Variants in TIAM1 observed in about 807,000 individuals in gnomAD.
TIAM1 encodes the protein TIAM Rac1 associated GEF 1.
Under a neutral mutation model 163.5 loss-of-function variants are expected in TIAM1, and 65 were observed. The observed-to-expected ratio is 0.40, with a 90% confidence interval of 0.33 to 0.49. TIAM1 has a LOEUF of 0.49. Among genes scored for constraint, TIAM1 ranks in the 20% least tolerant of loss-of-function variants. TIAM1 has a pLI of 0.77. For synonymous variants in TIAM1, 833 were observed against 810.1 expected, an observed-to-expected ratio of 1.03 and a Z score of -0.48; for missense variants, 1,789 against 2,044.7, an observed-to-expected ratio of 0.87 and a Z score of 2.41.
At chr21:31,558,774 G>A (rs1210716262) in intron 1 of TIAM1, among the ~76,000 whole-genome samples, 1 of 152,104 alleles carries the variant, frequency 6.6e-6, no homozygotes, top group Non-Finnish European at 1.5e-5. Flanking sequence ...AAGCCCGATC[G>A]GGGGGAGCTA....
At position 31,120,300 on chromosome 21, in the gene TIAM1, T is replaced by G; in HGVS notation, c.*68A>C. ...CCTAAGGGGACATTCTTGTCGACGGTACAGGAGGGTGGGCAGAGTTAGGGC... is the reference window on the plus strand; with the variant it reads ...CCTAAGGGGACATTCTTGTCGACGGGACAGGAGGGTGGGCAGAGTTAGGGC... On this transcript the variant is annotated 3_prime_UTR_variant, in exon 28 of 28. Coordinates refer to ENST00000541036, the MANE Select transcript of TIAM1 (RefSeq NM_001353694.2). The surrounding 1 kb of genome is among the most constrained non-coding windows in gnomAD (Gnocchi z 4.2). The G allele has an allele frequency of 6.8e-7, 1 of 1,468,870 alleles. No homozygotes were observed. The highest frequency in any genetic ancestry group is 9.2e-7 in the Non-Finnish European group (1 of 1,087,550). 91.0% of individuals were successfully genotyped at this position (1,468,870 alleles called of 1,614,324 possible).
chr21:31,511,043 G>A (rs939102607), intron 1 of TIAM1, among the ~76,000 whole-genome samples: 2 of 152,198 alleles, frequency 1.3e-5, no homozygotes, highest in African/African-American at 4.8e-5. Flanking sequence ...GTCAAAGAAT[G>A]CCATAGGTTG....
intron 2 of TIAM1, among the ~76,000 whole-genome samples, chr21:31,449,052 A>T (rs551233238): frequency 2.4e-4 from 37 of 151,898 alleles, no homozygotes; most frequent in Non-Finnish European, 4.4e-4. Flanking sequence ...TGCAGCCTCA[A>T]CTTCCCAGGC....
Position 31,184,803 on chromosome 21 carries a change from G to A in TIAM1, c.2663-2158C>T, listed in dbSNP as rs80251128. ...TGCCTATGGCCTAGAAAGTATAGAA[G>A]GAACAAGAAGGAAAATGCTCCTCTG... On this transcript the variant is annotated intron_variant, in intron 14 of 27. Transcript: ENST00000541036. Among the ~76,000 whole-genome samples the A allele has an allele frequency of 6.6e-4, 100 of 152,088 alleles. No individual in the cohort carries two copies. In the East Asian group the frequency reaches 0.019, roughly 29 times the overall value.
At chr21:31,210,664 A>AAG (rs2086762728) in intron 10 of TIAM1, among the ~76,000 whole-genome samples, 1 of 19,710 alleles carries the variant, frequency 5.1e-5, no homozygotes, top group African/African-American at 2.6e-4. Context: ...AAAGAAAGAA[A>AAG]GAAAAAGAAA....
chr21:31,547,761 T>C (rs2048543691), intron 1 of TIAM1, among the ~76,000 whole-genome samples: 1 of 152,166 alleles, frequency 6.6e-6, no homozygotes, highest in Admixed American at 6.5e-5. Flanking sequence ...TTTCTGAAAA[T>C]ATTTTCAATG....
chr21:31,534,165 C>T (rs1371632859), intron 1 of TIAM1, among the ~76,000 whole-genome samples: 1 of 152,226 alleles, frequency 6.6e-6, no homozygotes, highest in Non-Finnish European at 1.5e-5. Flanking sequence ...GTACAAAAAC[C>T]ACGCTAGGCG....
In TIAM1 at chr21:31,203,134, T is replaced by G. The variant is rs1601531587; in HGVS notation, c.2389-122A>C. The G allele has an allele frequency of 7.1e-6, 6 of 843,840 alleles. No individual in the cohort carries two copies. The South Asian group carries it at 1.0e-4, about 14-fold the overall frequency. 52.3% of individuals were successfully genotyped at this position (843,840 alleles called of 1,614,324 possible). ...TAGAGTTTGTTGTTGTTGTTGTTGT[T>G]GTTTTGAGATGGAGTTTCACTCTTG... On this transcript the variant is annotated intron_variant, in intron 11 of 27. Transcript: ENST00000541036.
At chr21:31,527,299 G>A (rs1232051216) in intron 1 of TIAM1, among the ~76,000 whole-genome samples, 1 of 152,080 alleles carries the variant, frequency 6.6e-6, no homozygotes, top group Non-Finnish European at 1.5e-5. Flanking sequence ...GAAAATTTTG[G>A]TAGAGAATGA....
intron 12 of TIAM1, among the ~76,000 whole-genome samples, chr21:31,197,622 G>T (rs1014747303): frequency 9.3e-5 from 14 of 150,108 alleles, no homozygotes; most frequent in Admixed American, 2.7e-4. Flanking sequence ...GCCCGCCTCA[G>T]CCTCCCAAAG....
chr21:31,261,919 C>T (rs1436394500), intron 4 of TIAM1, among the ~76,000 whole-genome samples: 2 of 152,146 alleles, frequency 1.3e-5, no homozygotes, highest in Non-Finnish European at 2.9e-5. Flanking sequence ...CTCAGTACAA[C>T]CTGGCCGTGT....
chr21:31,320,212 A>G (rs185488744), intron 2 of TIAM1, among the ~76,000 whole-genome samples: 197 of 152,334 alleles, frequency 1.3e-3, no homozygotes, highest in South Asian at 3.5e-3. Context: ...CACGATGCTA[A>G]GTATGATGTA....
chr21:31,241,989 AAT>A (rs2071205634), intron 6 of TIAM1, among the ~76,000 whole-genome samples: 1 of 152,138 alleles, frequency 6.6e-6, no homozygotes, highest in African/African-American at 2.4e-5. Context: ...CAGCCTGGGT[AAT>A]AGAGCAAGAC....
At chr21:31,324,845 A>C (rs9978041) in intron 2 of TIAM1, among the ~76,000 whole-genome samples, 130,630 of 152,214 alleles carry the variant, frequency 0.86, 56,251 homozygotes, top group East Asian at 0.96. Context: ...TTTAAGAAAT[A>C]TTTTGGTAAT....
intron 1 of TIAM1, among the ~76,000 whole-genome samples, chr21:31,551,802 G>C (rs552822852): frequency 5.3e-5 from 8 of 152,092 alleles, no homozygotes; most frequent in Admixed American, 1.3e-4. Flanking sequence ...AAGTAGGTGA[G>C]ATGCAATTGC....
chr21:31,219,024 CTTTTTTTT>C (rs35555743), intron 8 of TIAM1, among the ~76,000 whole-genome samples: 5 of 88,488 alleles, frequency 5.7e-5, no homozygotes, highest in South Asian at 4.4e-4. Flanking sequence ...GAAGCATTTC[CTTTTTTTT>C]TTTTTTTTTT....
chr21:31,205,289 A>G (rs1472969002), intron 11 of TIAM1, among the ~76,000 whole-genome samples: 1 of 152,242 alleles, frequency 6.6e-6, no homozygotes, highest in African/African-American at 2.4e-5. Context: ...CTGAGGCGGA[A>G]GGGAAAGAAA....
At chr21:31,492,007 T>C (rs541718782) in intron 1 of TIAM1, among the ~76,000 whole-genome samples, 6 of 152,306 alleles carry the variant, frequency 3.9e-5, no homozygotes, top group Admixed American at 1.3e-4. Context: ...ACTAACTTCC[T>C]GAGACTACAT....
intron 4 of TIAM1, among the ~76,000 whole-genome samples, chr21:31,265,431 C>T (rs758018957): frequency 7.9e-5 from 12 of 151,872 alleles, no homozygotes; most frequent in African/African-American, 2.7e-4. Flanking sequence ...TTATTCCTTC[C>T]GCTACACCTC....
Sources: gnomAD v4.1 joint callset for allele counts (sites outside exome capture counted in the v4.1 genomes callset) on GRCh38, gnomAD v4.1.1 for gene constraint, Gnocchi (gnomAD v3.1) non-coding constraint, MANE v1.5 for transcripts, NCBI Gene and HGNC (gene_info 2026-07-23, HGNC 2026-07-21) for gene names.